The following FAN1 variants were observed in gnomAD, a reference collection of about 807,000 sequenced individuals.
The protein encoded by FAN1 is FANCD2 and FANCI associated nuclease 1.
In FAN1, 91 loss-of-function variants were observed where a neutral mutation model predicts 104.9. That is an observed-to-expected ratio of 0.87 (90% CI 0.73 to 1.03). The LOEUF (loss-of-function observed/expected upper bound fraction) is 1.03. FAN1 is among the 50% of genes least tolerant of loss of function. The pLI, the probability that FAN1 is intolerant of heterozygous loss-of-function variation, is 0.00. For missense variants in FAN1, 1,263 were observed against 1,239.9 expected (o/e 1.02, Z -0.28); for synonymous variants, 478 against 457.6 (o/e 1.04, Z -0.57).
Position 30,914,272 on chromosome 15 carries a change from G to A in FAN1, c.1811+181G>A, listed in dbSNP as rs1051746989. 2.6e-5 allele frequency among the ~76,000 whole-genome samples: 4 copies of A among 152,138 alleles called. No homozygotes were observed. The East Asian group carries it at 7.7e-4, about 29-fold the overall frequency. On this transcript the variant is annotated intron_variant, in intron 5 of 14. Coordinates refer to ENST00000362065, the MANE Select transcript of FAN1 (RefSeq NM_014967.5). The stretch of plus-strand genomic sequence containing the variant: ...TATAGGGAAAATGTAGAAGTGTGCT[G>A]AGATTATGGTTGCCAAAATCCAAGG...
At chr15:30,921,814 C>A (rs1446184073) in intron 7 of FAN1, among the ~76,000 whole-genome samples, 1 of 152,166 alleles carries the variant, frequency 6.6e-6, no homozygotes, top group African/African-American at 2.4e-5. Context: ...TGAGGACACC[C>A]CTCATTACTT....
chr15:30,941,083 T>C (rs957095505), intron 14 of FAN1: 9 of 1,213,040 alleles, frequency 7.4e-6, no homozygotes, highest in Non-Finnish European at 9.4e-6. Context: ...TATCAGATGC[T>C]CCTAAAAATG....
In FAN1 at chr15:30,905,899, T is replaced by A. The variant is rs767435461; in HGVS notation, c.1234+2T>A. 6 of 1,609,170 alleles carry A rather than the reference T, an allele frequency of 3.7e-6. No homozygotes were observed. Among genetic ancestry groups the A allele is most frequent in the Non-Finnish European group, 5.1e-6 (6 of 1,177,018 alleles). ...TAACTAAATTTTATCAGTTATCAGG[T>A]ATCTTACGCACGTGTTTGTTTTCAA... is the stretch of plus-strand genomic sequence containing the variant. On this transcript the variant is annotated splice_donor_variant, in intron 2 of 14. Transcript: ENST00000362065. LOFTEE classifies it high-confidence loss of function.
rs1003256815 is a variant in FAN1, at chr15:30,942,844, T to C, written c.*1282T>C. On this transcript the variant is annotated 3_prime_UTR_variant, in exon 15 of 15. Coordinates refer to ENST00000362065, the MANE Select transcript of FAN1 (RefSeq NM_014967.5). ...GCTCTCTGTTCTGAAAAAGAGGTGT[T>C]TGGTTACGTGTGAGCCAACATCACG... The C allele has an allele frequency of 1.3e-6, 2 of 1,496,432 alleles. No homozygotes were observed. The highest frequency in any genetic ancestry group is 4.3e-5 in the Admixed American group (2 of 46,660). The allele number at this position is 1,496,432 out of a possible 1,614,324, so 92.7% of individuals were successfully genotyped here. A position where few individuals can be genotyped will look rare whatever the true frequency, so the allele number is the denominator to read the frequency against.
Position 30,942,572 on chromosome 15 carries a change from C to T in FAN1, c.*1010C>T. The T allele has an allele frequency of 2.7e-6, 1 of 370,224 alleles. No homozygotes were observed. 22.9% of individuals were successfully genotyped at this position (370,224 alleles called of 1,614,324 possible). A position where few individuals can be genotyped will look rare whatever the true frequency, so the allele number is the denominator to read the frequency against. ...TATAGCAGTCAGGAGGCCATGACTACATCACAGCCAGGCGGCATTCCCTGC... is the reference window on the plus strand; with the variant it reads ...TATAGCAGTCAGGAGGCCATGACTATATCACAGCCAGGCGGCATTCCCTGC... On this transcript the variant is annotated 3_prime_UTR_variant, in exon 15 of 15. Coordinates refer to ENST00000362065, the MANE Select transcript of FAN1 (RefSeq NM_014967.5).
chr15:30,906,859 T>G (rs1242995678), intron 2 of FAN1, among the ~76,000 whole-genome samples: 1 of 152,190 alleles, frequency 6.6e-6, no homozygotes, highest in African/African-American at 2.4e-5. Flanking sequence ...ACATTGGCTT[T>G]TCTATCCAAA....
chr15:30,930,033 ATT>A (rs891627842), intron 12 of FAN1, among the ~76,000 whole-genome samples: 2 of 139,086 alleles, frequency 1.4e-5, no homozygotes, highest in African/African-American at 2.7e-5. Context: ...TAATATATAT[ATT>A]AATATTATAT....
rs767657658 is a variant in FAN1 at position 30,930,657 on chromosome 15, A to G, written c.2902A>G (p.Ser968Gly). The change falls in exon 13 of 15, where the codon AGC (serine) becomes GGC (glycine). Residue 968 changes from serine to glycine, a missense_variant. Coordinates refer to ENST00000362065, the MANE Select transcript of FAN1 (RefSeq NM_014967.5). ...LPDLVVWNSQ[S>G]RHFKLVEVKG... ...CGACCTGGTGGTGTGGAACTCCCAG[A>G]GCCGTCACTTTAAGGTCAGTTGAGG... is the stretch of plus-strand genomic sequence containing the variant. 1 of 1,612,794 alleles carries G rather than the reference A, an allele frequency of 6.2e-7. No homozygotes were observed. The highest frequency in any genetic ancestry group is 8.5e-7 in the Non-Finnish European group (1 of 1,179,528).
chr15:30,912,943 T>A (rs1334354521), intron 4 of FAN1, among the ~76,000 whole-genome samples: 1 of 152,200 alleles, frequency 6.6e-6, no homozygotes, highest in Non-Finnish European at 1.5e-5. Context: ...TGGATTTAAT[T>A]TAGACCTCCA....
rs199532729 is a variant in FAN1, at chr15:30,925,921, C to A, written c.2470C>A (p.Arg824Ser). The A allele has an allele frequency of 2.4e-5, 39 of 1,614,214 alleles. 1 individual carries two copies. In the Admixed American group the frequency reaches 6.2e-4, roughly 26 times the overall value. ...GGAGCTGGCACTGGCCCATTACAGA[C>A]GCAGCGGTTTTGACCAGGGTAACTG... is the stretch of plus-strand genomic sequence containing the variant. ...VEELALAHYRRSGFDQGIHGE... is the reference protein window; with the variant it reads ...VEELALAHYRSSGFDQGIHGE... The change falls in exon 10 of 15, where the codon CGC becomes AGC. Residue 824 changes from arginine (R) to serine (S), a missense_variant. Physicochemically the swap from Arg to Ser is moderately radical, Grantham distance 110. Transcript: ENST00000362065.
intron 14 of FAN1, among the ~76,000 whole-genome samples, chr15:30,937,575 C>T (rs570096391): frequency 8.8e-4 from 134 of 151,588 alleles, no homozygotes; most frequent in Non-Finnish European, 1.8e-3. Flanking sequence ...CCTCAGGGTC[C>T]CCAGTAGCTG....
intron 4 of FAN1, chr15:30,911,346 A>G: frequency 3.0e-6 from 3 of 985,158 alleles, no homozygotes; most frequent in Non-Finnish European, 3.6e-6. Context: ...ATCAAACTAT[A>G]TCAACTCTAG....
chr15:30,930,630 C>T lies in FAN1; in HGVS notation c.2875C>T (p.Pro959Ser), dbSNP rs146600264. The stretch of plus-strand genomic sequence containing the variant: ...CTTTCGACACTGTCGAGGGGGCCTC[C>T]CCGACCTGGTGGTGTGGAACTCCCA... ...ADFRHCRGGL[P>S]DLVVWNSQSR... Residue 959 changes from proline to serine, a missense_variant, in exon 13 of 15, where the codon CCC becomes TCC. By Grantham distance (74) the Pro-to-Ser change is moderately conservative. Coordinates refer to ENST00000362065, the MANE Select transcript of FAN1 (RefSeq NM_014967.5). 6.8e-5 allele frequency: 110 copies of T among 1,612,810 alleles called. 1 individual carries two copies. The African/African-American group carries it at 8.5e-4, about 13-fold the overall frequency.
chr15:30,942,173 A>T lies in FAN1; in HGVS notation c.*611A>T. On this transcript the variant is annotated 3_prime_UTR_variant, in exon 15 of 15. Coordinates refer to ENST00000362065, the MANE Select transcript of FAN1 (RefSeq NM_014967.5). Reference sequence around the variant, plus strand: ...ACTCAATACTATGAAAAATTAATGGAATTTCAGCCTCAAAGAACATTTTCC... The same window carrying T: ...ACTCAATACTATGAAAAATTAATGGTATTTCAGCCTCAAAGAACATTTTCC... 7.4e-7 allele frequency: 1 copy of T among 1,358,016 alleles called. No homozygotes were observed. Among genetic ancestry groups the T allele is most frequent in the African/African-American group, 1.5e-5 (1 of 68,728 alleles). The allele number at this position is 1,358,016 out of a possible 1,614,324, so 84.1% of individuals were successfully genotyped here. A position where few individuals can be genotyped will look rare whatever the true frequency, so the allele number is the denominator to read the frequency against.
chr15:30,940,006 G>T, intron 14 of FAN1: 1 of 976,144 alleles, frequency 1.0e-6, no homozygotes, highest in Non-Finnish European at 1.2e-6. Flanking sequence ...AATTCAAAAA[G>T]AAACAGCTAT....
intron 14 of FAN1, chr15:30,939,171 A>G (rs2062954682): frequency 2.0e-6 from 2 of 985,416 alleles, no homozygotes; most frequent in East Asian, 1.1e-4. Context: ...TGTTAGTACA[A>G]ATTAATATCC....
chr15:30,914,402 T>G (rs2062160093), intron 5 of FAN1, among the ~76,000 whole-genome samples: 1 of 152,162 alleles, frequency 6.6e-6, no homozygotes, highest in Non-Finnish European at 1.5e-5. Context: ...AGACAGGATT[T>G]CGCCCAGGCT....
At chr15:30,911,780 C>G (rs2062105913) in intron 4 of FAN1, 1 of 945,664 alleles carries the variant, frequency 1.1e-6, no homozygotes, top group South Asian at 4.9e-5. Flanking sequence ...TAGCCACCCT[C>G]TGGCTGGGCA....
rs1468737493 is a variant in FAN1 at position 30,925,025 on chromosome 15, C to T, written c.2173-102C>T. ...TGCTGTTTGCTCATTTGCTAATCAG[C>T]AAAATTCAATAATAAACAGTGGGCT... On this transcript the variant is annotated intron_variant, in intron 8 of 14. Coordinates refer to ENST00000362065, the MANE Select transcript of FAN1 (RefSeq NM_014967.5). 3.1e-6 allele frequency: 4 copies of T among 1,285,506 alleles called. No individual in the cohort carries two copies. The African/African-American group carries it at 6.0e-5, about 19-fold the overall frequency. The allele number at this position is 1,285,506 out of a possible 1,614,324, so 79.6% of individuals were successfully genotyped here. A position where few individuals can be genotyped will look rare whatever the true frequency, so the allele number is the denominator to read the frequency against.
Sources: gnomAD v4.1 joint callset for allele counts (sites outside exome capture counted in the v4.1 genomes callset) on GRCh38, gnomAD v4.1.1 for gene constraint, MANE v1.5 for transcripts, NCBI Gene and HGNC (gene_info 2026-07-23, HGNC 2026-07-21) for gene names.